Variants in MTCL2 observed in about 807,000 individuals in gnomAD.
MTCL2 encodes microtubule crosslinking factor 2.
chr20:36,834,233 G>A, the MTCL2 span, among the ~76,000 whole-genome samples: 1 of 151,812 alleles, frequency 6.6e-6, no homozygotes, highest in Non-Finnish European at 1.5e-5. Flanking sequence ...CCGTGTGGCT[G>A]AATCCTCCTA....
the MTCL2 span, chr20:36,786,518 A>C: frequency 6.5e-7 from 1 of 1,548,566 alleles, no homozygotes; most frequent in Non-Finnish European, 8.7e-7. Flanking sequence ...TCTCCTCCCC[A>C]CCCCAGCTGG....
chr20:36,788,774 C>T, the MTCL2 span, among the ~76,000 whole-genome samples: 1 of 151,894 alleles, frequency 6.6e-6, no homozygotes, highest in Non-Finnish European at 1.5e-5. Flanking sequence ...TGATTTCCTC[C>T]CCTCTCTCTT....
the MTCL2 span, among the ~76,000 whole-genome samples, chr20:36,854,243 G>A: frequency 6.6e-6 from 1 of 152,158 alleles, no homozygotes; most frequent in Admixed American, 6.5e-5. Context: ...CTTTGTAAAA[G>A]GAAGGAGCTA....
At chr20:36,786,089 C>G in the MTCL2 span, 11 of 988,004 alleles carry the variant, frequency 1.1e-5, no homozygotes, top group Non-Finnish European at 1.3e-5. Context: ...GGAAACATCT[C>G]TCCGACTCCT....
At chr20:36,818,227 T>G in the MTCL2 span, among the ~76,000 whole-genome samples, 1 of 152,352 alleles carries the variant, frequency 6.6e-6, no homozygotes, top group East Asian at 1.9e-4. Context: ...CCTGTCTTCA[T>G]GAAACTGACA....
At chr20:36,819,521 G>C in the MTCL2 span, among the ~76,000 whole-genome samples, 1 of 150,906 alleles carries the variant, frequency 6.6e-6, no homozygotes, top group Non-Finnish European at 1.5e-5. Flanking sequence ...AAATTCCAAA[G>C]AGTTGGTAGG....
chr20:36,794,061 T>C, the MTCL2 span: 7 of 1,551,332 alleles, frequency 4.5e-6, no homozygotes, highest in African/African-American at 4.1e-5. The surrounding 1 kb of genome is among the most constrained non-coding windows in gnomAD (Gnocchi z 5.4). Context: ...TCATCACTCA[T>C]GTTGCCTGAC....
the MTCL2 span, chr20:36,815,983 C>T: frequency 6.2e-7 from 1 of 1,613,688 alleles, no homozygotes; most frequent in Non-Finnish European, 8.5e-7. The surrounding 1 kb of genome is among the most constrained non-coding windows in gnomAD (Gnocchi z 5.3). Context: ...CCCCCACAGC[C>T]ACCTCCATGA....
chr20:36,844,832 G>A, the MTCL2 span, among the ~76,000 whole-genome samples: 1 of 151,972 alleles, frequency 6.6e-6, no homozygotes, highest in African/African-American at 2.4e-5. Context: ...ACCAGCCTGG[G>A]CAACTTGGTG....
At chr20:36,804,342 T>C in the MTCL2 span, among the ~76,000 whole-genome samples, 27 of 152,264 alleles carry the variant, frequency 1.8e-4, no homozygotes, top group East Asian at 5.2e-3. Context: ...TAAGGCTCCT[T>C]TGGGGGCACG....
At chr20:36,830,787 G>A in the MTCL2 span, among the ~76,000 whole-genome samples, 2 of 152,328 alleles carry the variant, frequency 1.3e-5, no homozygotes, top group South Asian at 4.1e-4. Context: ...CAGGATAACT[G>A]AACCAGCTAT....
At chr20:36,828,310 T>C in the MTCL2 span, among the ~76,000 whole-genome samples, 3 of 152,216 alleles carry the variant, frequency 2.0e-5, no homozygotes, top group African/African-American at 7.2e-5. Context: ...GAGCCCTGCA[T>C]GGCCTTGAGG....
chr20:36,791,848 G>T, the MTCL2 span, among the ~76,000 whole-genome samples: 1 of 152,192 alleles, frequency 6.6e-6, no homozygotes, highest in Admixed American at 6.5e-5. Flanking sequence ...AGCTGCTGAG[G>T]TTGTCAGGTT....
the MTCL2 span, among the ~76,000 whole-genome samples, chr20:36,814,325 A>T: frequency 2.0e-5 from 3 of 152,236 alleles, no homozygotes; most frequent in African/African-American, 7.2e-5. Context: ...GTAACAATAG[A>T]TATAAAGCAA....
the MTCL2 span, among the ~76,000 whole-genome samples, chr20:36,845,539 G>C: frequency 3.9e-5 from 6 of 152,378 alleles, no homozygotes; most frequent in Admixed American, 3.3e-4. Flanking sequence ...GGCCCCACGT[G>C]AGAGGGTGAG....
At chr20:36,841,872 GGGGT>G in the MTCL2 span, among the ~76,000 whole-genome samples, 1 of 71,478 alleles carries the variant, frequency 1.4e-5, no homozygotes, top group African/African-American at 7.0e-5. Flanking sequence ...GGTGGGGGGT[GGGGT>G]GTGTGTGTGT....
At chr20:36,787,744 G>T in the MTCL2 span, among the ~76,000 whole-genome samples, 482 of 150,864 alleles carry the variant, frequency 3.2e-3, 4 homozygotes, top group African/African-American at 0.011. Flanking sequence ...AAATTAGCTG[G>T]GCATGGTGGC....
the MTCL2 span, among the ~76,000 whole-genome samples, chr20:36,826,350 TC>T: frequency 0.018 from 9 of 488 alleles, no homozygotes; most frequent in Admixed American, 0.028. Context: ...TCCCTCCCCC[TC>T]CCCCCTCCCC....
chr20:36,854,621 T>C, the MTCL2 span, among the ~76,000 whole-genome samples: 8 of 151,338 alleles, frequency 5.3e-5, no homozygotes, highest in Non-Finnish European at 1.2e-4. Context: ...TGGGGTAGGG[T>C]CAAGGAGAGG....
Sources: allele counts gnomAD v4.1 joint callset (sites outside exome capture counted in the v4.1 genomes callset), GRCh38; gene constraint gnomAD v4.1.1; non-coding constraint Gnocchi (gnomAD v3.1); transcripts MANE v1.5; gene names NCBI Gene and HGNC (gene_info 2026-07-23, HGNC 2026-07-21).